CPS1: variants seen among roughly 807,000 people sequenced by gnomAD.
The protein encoded by CPS1 is carbamoyl-phosphate synthase [ammonia], mitochondrial.
A neutral mutation model predicts 174.6 loss-of-function variants in CPS1; 109 were observed. The observed-to-expected ratio is 0.62, with a 90% CI of 0.53 to 0.73. CPS1 has a LOEUF of 0.73. Among genes scored for constraint, CPS1 ranks in the 30% least tolerant of loss-of-function variants. CPS1 has a pLI of 0.00. For missense variants in CPS1, 1,689 were observed against 1,821.9 expected (o/e 0.93, Z 1.33); for synonymous variants, 637 against 632.0 (o/e 1.01, Z -0.12).
rs1463263601 is a variant in CPS1 at position 210,514,576 on chromosome 2, G to A, written c.3+36810G>A. Among the ~76,000 whole-genome samples the A allele has an allele frequency of 2.6e-5, 4 of 151,816 alleles. No individual in the cohort carries two copies. The East Asian group carries it at 7.7e-4, about 29-fold the overall frequency. Reference sequence around the variant, plus strand: ...AGTGTTTATCTGTTCCAGAAGCTTTGGCAGGGTCTTTAGGGTTTTCTAGGC... The same window carrying A: ...AGTGTTTATCTGTTCCAGAAGCTTTAGCAGGGTCTTTAGGGTTTTCTAGGC... On this transcript the variant is annotated intron_variant, in intron 1 of 38. Transcript: ENST00000430249.
chr2:210,608,374 T>G lies in CPS1; in HGVS notation c.2206T>G (p.Phe736Val), dbSNP rs1402192336. 2 of 1,612,076 alleles carry G rather than the reference T, an allele frequency of 1.2e-6. No individual in the cohort carries two copies. Among genetic ancestry groups the G allele is most frequent in the Non-Finnish European group, 1.7e-6 (2 of 1,178,700 alleles). Residue 736 changes from phenylalanine to valine, a missense_variant, in exon 19 of 38, where the codon TTC becomes GTC. Phe to Val is a conservative substitution (Grantham distance 50). Transcript: ENST00000233072. ...ASKATGYPLAFIAAKIALGIP... is the reference protein window; with the variant it reads ...ASKATGYPLAVIAAKIALGIP... The stretch of plus-strand genomic sequence containing the variant: ...TTCTTTTTATAGCTACCCATTGGCA[T>G]TCATTGCTGCAAAGATTGCCCTAGG...
intron 22 of CPS1, among the ~76,000 whole-genome samples, chr2:210,638,853 G>A (rs1161052267): frequency 6.6e-6 from 1 of 152,104 alleles, no homozygotes; most frequent in East Asian, 1.9e-4. Flanking sequence ...AGAGCTGGTG[G>A]GGTAAGTCTT....
intron 21 of CPS1, among the ~76,000 whole-genome samples, chr2:210,623,881 TG>T (rs1407131681): frequency 6.6e-6 from 1 of 152,090 alleles, no homozygotes; most frequent in African/African-American, 2.4e-5. Context: ...TTGAAGTTTC[TG>T]GGGGAAAAGT....
chr2:210,480,470 G>T (rs1694535590), intron 1 of CPS1, among the ~76,000 whole-genome samples: 1 of 152,202 alleles, frequency 6.6e-6, no homozygotes, highest in Non-Finnish European at 1.5e-5. Flanking sequence ...GCCAGCAAAG[G>T]CGCAGCATGC....
At chr2:210,602,396 A>G in intron 16 of CPS1, 66 bp downstream of exon 16, 1 of 1,552,632 alleles carries the variant, frequency 6.4e-7, no homozygotes, top group Non-Finnish European at 8.9e-7. Context: ...CTTTTCAACT[A>G]GAGAAAGTTA....
chr2:210,502,480 T>C lies in CPS1; in HGVS notation c.3+24714T>C, dbSNP rs928916360. On this transcript the variant is annotated intron_variant, in intron 1 of 38. Coordinates refer to the CPS1 transcript ENST00000430249. The stretch of plus-strand genomic sequence containing the variant: ...ACATATAGATATATATATTTATATA[T>C]AAAAGAGATATAAATATAGAGATAT... 4.5e-5 allele frequency among the ~76,000 whole-genome samples: 6 copies of C among 132,770 alleles called. No individual in the cohort carries two copies. The South Asian group carries it at 1.2e-3, about 26-fold the overall frequency. 87.1% of individuals were successfully genotyped at this position (132,770 alleles called of 152,430 possible).
rs767881510 is a variant in CPS1 at position 210,608,351 on chromosome 2, C to A, written c.2193-10C>A. On this transcript the variant is annotated splice_polypyrimidine_tract_variant and intron_variant, in intron 18 of 37. Transcript: ENST00000233072. ...GAAGAAAAAAAAATAAATTTGTCTT[C>A]TTTTTATAGCTACCCATTGGCATTC... The A allele has an allele frequency of 1.9e-6, 3 of 1,610,708 alleles. No individual in the cohort carries two copies. The highest frequency in any genetic ancestry group is 3.3e-5 in the Admixed American group (2 of 59,802).
chr2:210,632,309 G>A (rs574038309), intron 21 of CPS1, among the ~76,000 whole-genome samples: 16 of 152,304 alleles, frequency 1.1e-4, no homozygotes, highest in African/African-American at 3.8e-4. Context: ...TGTTAAATGA[G>A]CTTTATGTTT....
At chr2:210,660,414 A>C in intron 31 of CPS1, 71 bp from the exon 32 acceptor site, 2 of 1,437,746 alleles carry the variant, frequency 1.4e-6, no homozygotes, top group Non-Finnish European at 2.0e-6. Flanking sequence ...AACCAGTGGT[A>C]GAGAGAATAT....
chr2:210,677,706 A>G (rs1701578286), intron 37 of CPS1, among the ~76,000 whole-genome samples, 181 bp from the exon 38 acceptor site: 2 of 152,254 alleles, frequency 1.3e-5, no homozygotes, highest in Admixed American at 6.5e-5. Flanking sequence ...GATATAAAAG[A>G]AAGTCCCCAT....
intron 34 of CPS1, chr2:210,672,389 T>A (rs1701339601): frequency 6.6e-6 from 1 of 152,336 alleles, no homozygotes; most frequent in African/African-American, 2.4e-5. Context: ...TGGTACTTAC[T>A]GAAGTCTATT....
At chr2:210,639,651 A>ATG (rs1491123495) in intron 23 of CPS1, among the ~76,000 whole-genome samples, 1 of 145,104 alleles carries the variant, frequency 6.9e-6, no homozygotes, top group Non-Finnish European at 1.5e-5. Flanking sequence ...AAAAGGCATC[A>ATG]TGTGTGTCAG....
intron 16 of CPS1, among the ~76,000 whole-genome samples, chr2:210,604,068 C>A (rs1454298466): frequency 6.6e-6 from 1 of 151,744 alleles, no homozygotes; most frequent in African/African-American, 2.4e-5. Flanking sequence ...TAGCAGGCAA[C>A]CGGAATGATG....
intron 1 of CPS1, among the ~76,000 whole-genome samples, chr2:210,491,608 TG>T (rs751632792): frequency 7.9e-5 from 12 of 152,148 alleles, no homozygotes; most frequent in Non-Finnish European, 1.3e-4. Flanking sequence ...CCACCGCACC[TG>T]GACATGTTTG....
chr2:210,638,797 A>G (rs1700117766), intron 22 of CPS1, among the ~76,000 whole-genome samples: 1 of 152,156 alleles, frequency 6.6e-6, no homozygotes, highest in Non-Finnish European at 1.5e-5. Flanking sequence ...CCTTACGTAT[A>G]GGTCATTTTG....
At chr2:210,520,747 G>T (rs1382483966) in intron 1 of CPS1, among the ~76,000 whole-genome samples, 4 of 151,816 alleles carry the variant, frequency 2.6e-5, no homozygotes, top group East Asian at 1.9e-4. Context: ...TTATTTTGAG[G>T]TTCCTCCATA....
At chr2:210,507,232 T>A (rs1213782613) in intron 1 of CPS1, among the ~76,000 whole-genome samples, 1 of 152,178 alleles carries the variant, frequency 6.6e-6, no homozygotes, top group Non-Finnish European at 1.5e-5. Context: ...TCAACATTCT[T>A]AAAGAAAAGA....
rs1288583618 is a variant in CPS1 at position 210,549,199 on chromosome 2, C to T, written c.4-7520C>T. ...TTGCCATAGATAACCATCTACCTCA[C>T]AGCTAGGGTTGCTCTTTAGAATCTT... On this transcript the variant is annotated intron_variant, in intron 1 of 38. Transcript: ENST00000430249. 5.3e-5 allele frequency among the ~76,000 whole-genome samples: 8 copies of T among 152,034 alleles called. No homozygotes were observed. The South Asian group carries it at 1.2e-3, about 24-fold the overall frequency.
chr2:210,563,626 A>C (rs192804419), intron 1 of CPS1, among the ~76,000 whole-genome samples: 1 of 152,204 alleles, frequency 6.6e-6, no homozygotes, highest in Non-Finnish European at 1.5e-5. Context: ...CGATGTCCTT[A>C]GAATTAGTTC....
Sources: gnomAD v4.1 joint callset for allele counts (sites outside exome capture counted in the v4.1 genomes callset) on GRCh38, gnomAD v4.1.1 for gene constraint, MANE v1.5 for transcripts, NCBI Gene and HGNC (gene_info 2026-07-23, HGNC 2026-07-21) for gene names.